Variants in SYT14 observed in about 807,000 individuals in gnomAD.
The protein encoded by SYT14 is synaptotagmin-14.
SYT14 carries 32 observed loss-of-function variants against 74.2 expected under a neutral mutation model. The observed-to-expected ratio is 0.43, with a 90% CI of 0.33 to 0.58. SYT14 has a LOEUF of 0.58. Among genes scored for constraint, SYT14 ranks in the 20% least tolerant of loss-of-function variants. The probability of loss-of-function intolerance (pLI) is 0.05; values close to 1 mark genes in which losing one functional copy is unlikely to be tolerated. For synonymous variants in SYT14, 298 were observed against 337.7 expected, an observed-to-expected ratio of 0.88 and a Z score of 1.29; for missense variants, 791 against 981.8, an observed-to-expected ratio of 0.81 and a Z score of 2.60.
chr1:209,995,880 C>T (rs1394625659), intron 2 of SYT14, among the ~76,000 whole-genome samples: 2 of 142,030 alleles, frequency 1.4e-5, no homozygotes, highest in African/African-American at 6.3e-5. Context: ...ACTCTTGAAA[C>T]TCCTGTGGGA....
intron 5 of SYT14, among the ~76,000 whole-genome samples, chr1:210,053,835 TTTTG>T (rs1482892906): frequency 2.0e-5 from 3 of 152,164 alleles, no homozygotes; most frequent in Non-Finnish European, 2.9e-5. Context: ...CAACAGTCTT[TTTTG>T]TTTGTTTTTT....
exon 10 of SYT14, chr1:210,162,773 A>G: frequency 2.2e-6 from 1 of 444,580 alleles, no homozygotes; most frequent in Non-Finnish European, 4.5e-6. Context: ...GTATTTTTTT[A>G]GTTTAAAAAA....
chr1:210,086,068 A>G (rs931682998), intron 5 of SYT14, among the ~76,000 whole-genome samples: 15 of 152,158 alleles, frequency 9.9e-5, no homozygotes, highest in Non-Finnish European at 2.1e-4. Flanking sequence ...TAGATAAAAG[A>G]TTATATAATT....
intron 2 of SYT14, among the ~76,000 whole-genome samples, chr1:209,993,913 C>T (rs1296440831): frequency 6.6e-6 from 1 of 152,184 alleles, no homozygotes; most frequent in Non-Finnish European, 1.5e-5. Flanking sequence ...CAAAAATCTG[C>T]TGATATATAC....
At chr1:210,015,718 A>G (rs1478745735) in exon 4 of SYT14, 1 of 279,318 alleles carries the variant, frequency 3.6e-6, no homozygotes, top group Non-Finnish European at 6.0e-6. Flanking sequence ...TTTGAGGGAA[A>G]AATATTGTCT....
intron 2 of SYT14, among the ~76,000 whole-genome samples, chr1:209,978,420 A>G (rs916545258): frequency 1.3e-5 from 2 of 152,136 alleles, no homozygotes; most frequent in Admixed American, 1.3e-4. Flanking sequence ...TTTTCCTTCT[A>G]ACATTCAGGA....
At chr1:210,072,526 T>C (rs1447898851) in intron 5 of SYT14, among the ~76,000 whole-genome samples, 1 of 152,064 alleles carries the variant, frequency 6.6e-6, no homozygotes, top group African/African-American at 2.4e-5. Context: ...AAGGGAGATG[T>C]ACATTCTGAA....
At chr1:210,044,146 T>G (rs1411657647) in intron 5 of SYT14, among the ~76,000 whole-genome samples, 5 of 152,164 alleles carry the variant, frequency 3.3e-5, no homozygotes, top group African/African-American at 1.2e-4. Context: ...AAATAGAAGG[T>G]GCATAAACAT....
intron 5 of SYT14, among the ~76,000 whole-genome samples, chr1:210,038,733 A>G (rs1420730553): frequency 6.6e-6 from 1 of 152,074 alleles, no homozygotes; most frequent in Non-Finnish European, 1.5e-5. Flanking sequence ...TAAGTCCGAA[A>G]ATGGGACCCC....
rs367811728 is a variant in SYT14 at position 210,086,404 on chromosome 1, T to C, written c.1313-7918T>C. On this transcript the variant is annotated intron_variant, in intron 5 of 9. Transcript: ENST00000637265. ...ATGGACTCATAGTTTTCTCATTTCTTCAGTGAGCAATAATCAGTTACTATA... is the reference window on the plus strand; with the variant it reads ...ATGGACTCATAGTTTTCTCATTTCTCCAGTGAGCAATAATCAGTTACTATA... Among the ~76,000 whole-genome samples, 7 of 152,374 alleles carry C rather than the reference T, an allele frequency of 4.6e-5. No homozygotes were observed. The South Asian group carries it at 8.3e-4, about 18-fold the overall frequency.
At chr1:210,112,941 C>T (rs961017679) in intron 7 of SYT14, among the ~76,000 whole-genome samples, 1 of 151,192 alleles carries the variant, frequency 6.6e-6, no homozygotes, top group Non-Finnish European at 1.5e-5. Context: ...AAAGTATATG[C>T]GTCAGGTGTG....
intron 7 of SYT14, among the ~76,000 whole-genome samples, chr1:210,121,476 T>G (rs892734141): frequency 5.3e-5 from 8 of 152,178 alleles, no homozygotes; most frequent in African/African-American, 1.7e-4. Flanking sequence ...CTCAAATGTT[T>G]TTGAGATACA....
At chr1:210,038,825 A>G (rs1003066763) in intron 5 of SYT14, among the ~76,000 whole-genome samples, 3 of 151,954 alleles carry the variant, frequency 2.0e-5, no homozygotes, top group African/African-American at 7.2e-5. Flanking sequence ...TTTAGATGCT[A>G]TTTTCCTCCC....
intron 1 of SYT14, among the ~76,000 whole-genome samples, chr1:209,945,916 A>G (rs1195854747): frequency 1.3e-5 from 2 of 151,646 alleles, no homozygotes; most frequent in African/African-American, 2.4e-5. Flanking sequence ...TATTGGCACA[A>G]TTTTTTCAAC....
At chr1:210,088,966 G>T (rs535488297) in intron 5 of SYT14, among the ~76,000 whole-genome samples, 9 of 152,034 alleles carry the variant, frequency 5.9e-5, no homozygotes, top group Admixed American at 5.2e-4. Context: ...TGCCATGGTG[G>T]TTTGCTGCAA....
chr1:209,968,219 T>C (rs1415344559), intron 2 of SYT14, among the ~76,000 whole-genome samples: 2 of 152,136 alleles, frequency 1.3e-5, no homozygotes, highest in East Asian at 1.9e-4. Flanking sequence ...AAAATAGACA[T>C]TGAGTGCTAT....
chr1:210,101,882 A>G (rs1490008651), intron 7 of SYT14, among the ~76,000 whole-genome samples: 2 of 152,158 alleles, frequency 1.3e-5, no homozygotes, highest in Non-Finnish European at 2.9e-5. Context: ...TCTGTTACCA[A>G]TTAATTATGT....
At chr1:210,023,437 G>A (rs1167316195) in intron 5 of SYT14, among the ~76,000 whole-genome samples, 4 of 152,118 alleles carry the variant, frequency 2.6e-5, no homozygotes, top group Non-Finnish European at 5.9e-5. Flanking sequence ...TCTGCCTCTT[G>A]GGTTCAAGAG....
chr1:210,087,046 T>C (rs1027922135), intron 5 of SYT14, among the ~76,000 whole-genome samples: 10 of 152,166 alleles, frequency 6.6e-5, no homozygotes, highest in African/African-American at 2.2e-4. Context: ...CTTGTGGGTG[T>C]CCTCATGACC....
Sources: allele counts gnomAD v4.1 joint callset (sites outside exome capture counted in the v4.1 genomes callset), GRCh38; gene constraint gnomAD v4.1.1; transcripts MANE v1.5; gene names NCBI Gene and HGNC (gene_info 2026-07-23, HGNC 2026-07-21).